The following CFTR variants were observed in gnomAD, a reference collection of about 807,000 sequenced individuals.
CFTR encodes the protein cystic fibrosis transmembrane conductance regulator.
CFTR carries 181 observed loss-of-function variants against 171.6 expected under a neutral mutation model. The observed-to-expected ratio is 1.05, with a 90% CI of 0.93 to 1.19. CFTR has a LOEUF of 1.19. Among genes scored for constraint, CFTR ranks in the 50% most tolerant of loss-of-function variants. CFTR has a pLI of 0.00. For synonymous variants in CFTR, 583 were observed against 608.0 expected (o/e 0.96, Z 0.60); for missense variants, 1,968 against 1,734.7 (o/e 1.13, Z -2.39).
chr7:117,544,722 G>A (rs1050609622), intron 9 of CFTR, among the ~76,000 whole-genome samples: 3 of 152,024 alleles, frequency 2.0e-5, no homozygotes, highest in South Asian at 4.1e-4. Flanking sequence ...CCTGACTTTC[G>A]CTCACGCAAC....
chr7:117,595,156 T>A, intron 15 of CFTR, 98 bp downstream of exon 15: 1 of 873,884 alleles, frequency 1.1e-6, no homozygotes, highest in Non-Finnish European at 1.9e-6. Flanking sequence ...AATATGTATA[T>A]ATACACATGT....
chr7:117,559,230 C>T (rs1247285694), intron 10 of CFTR, among the ~76,000 whole-genome samples: 1 of 152,172 alleles, frequency 6.6e-6, no homozygotes, highest in African/African-American at 2.4e-5. Context: ...CTCTGTGAAC[C>T]TCTATCATAA....
rs150682423 is a variant in CFTR, at chr7:117,647,580, A to T, written c.3873+4987A>T. Among the ~76,000 whole-genome samples, 287 of 152,016 alleles carry T rather than the reference A, an allele frequency of 1.9e-3. 1 individual carries two copies. The highest frequency in any genetic ancestry group is 6.8e-3 in the African/African-American group (283 of 41,484). The stretch of plus-strand genomic sequence containing the variant: ...CATGAGAAATCCACCCCCATGATCC[A>T]GTTACCTCCCACCAGGCCCCGCCTC... On this transcript the variant is annotated intron_variant, in intron 23 of 26. Coordinates refer to ENST00000003084, the MANE Select transcript of CFTR (RefSeq NM_000492.4).
intron 11 of CFTR, among the ~76,000 whole-genome samples, chr7:117,579,426 C>T (rs906825492): frequency 5.3e-5 from 8 of 151,594 alleles, no homozygotes; most frequent in Non-Finnish European, 1.2e-4. Context: ...GACAAATTGC[C>T]TTAGTTAGAA....
chr7:117,531,067 A>C lies in CFTR; in HGVS notation c.442A>C (p.Ile148Leu). ...LHPAIFGLHHIGMQMRIAMFS... is the reference protein window; with the variant it reads ...LHPAIFGLHHLGMQMRIAMFS... Reference sequence around the variant, plus strand: ...CCCAGCCATTTTTGGCCTTCATCACATTGGAATGCAGATGAGAATAGCTAT... The same window carrying C: ...CCCAGCCATTTTTGGCCTTCATCACCTTGGAATGCAGATGAGAATAGCTAT... The change falls in exon 4 of 27, where the codon ATT becomes CTT. Residue 148 changes from isoleucine to leucine, a missense_variant. Ile to Leu is a conservative substitution (Grantham distance 5). Coordinates refer to ENST00000003084, the MANE Select transcript of CFTR (RefSeq NM_000492.4). The C allele has an allele frequency of 6.2e-7, 1 of 1,613,706 alleles. No individual in the cohort carries two copies. Among genetic ancestry groups the C allele is most frequent in the Non-Finnish European group, 8.5e-7 (1 of 1,179,818 alleles).
chr7:117,560,061 T>A (rs1799436332), intron 11 of CFTR, among the ~76,000 whole-genome samples: 2 of 152,080 alleles, frequency 1.3e-5, no homozygotes, highest in African/African-American at 4.8e-5. Flanking sequence ...ATTATTTTAA[T>A]AATTTTAATA....
chr7:117,575,689 C>T (rs1297005832), intron 11 of CFTR, among the ~76,000 whole-genome samples: 5 of 152,108 alleles, frequency 3.3e-5, no homozygotes, highest in Admixed American at 3.3e-4. Context: ...ATCTTCCATC[C>T]AGCCTTCTAC....
intron 21 of CFTR, among the ~76,000 whole-genome samples, chr7:117,618,527 G>A (rs772011758): frequency 6.6e-6 from 1 of 151,766 alleles, no homozygotes; most frequent in Non-Finnish European, 1.5e-5. Context: ...ACCATCTCTT[G>A]ATGAATCATA....
chr7:117,575,817 C>A (rs1791761598), intron 11 of CFTR, among the ~76,000 whole-genome samples: 1 of 152,100 alleles, frequency 6.6e-6, no homozygotes, highest in Admixed American at 6.6e-5. Flanking sequence ...ACATTTAATA[C>A]CATTTTGCTA....
intron 22 of CFTR, among the ~76,000 whole-genome samples, chr7:117,630,176 T>A (rs1226658192): frequency 6.6e-6 from 1 of 152,238 alleles, no homozygotes; most frequent in Non-Finnish European, 1.5e-5. Context: ...AATTTTGTTT[T>A]TATAATTCTA....
At chr7:117,495,353 A>G (rs1397356974) in intron 1 of CFTR, among the ~76,000 whole-genome samples, 2 of 152,112 alleles carry the variant, frequency 1.3e-5, no homozygotes, top group African/African-American at 4.8e-5. Flanking sequence ...ACTATAAATC[A>G]CAATGCTTTG....
chr7:117,586,466 A>G (rs2116013518), intron 11 of CFTR: 1 of 152,320 alleles, frequency 6.6e-6, no homozygotes, highest in Middle Eastern at 3.4e-3. Context: ...TGAGGGCAGC[A>G]GCTAGCATGA....
Position 117,540,172 on chromosome 7 carries a change from G to T in CFTR, c.942G>T (p.Gly314=), listed in dbSNP as rs1244183935. 10 of 1,613,870 alleles carry T rather than the reference G, an allele frequency of 6.2e-6. No individual in the cohort carries two copies. In the South Asian group the frequency reaches 6.6e-5, roughly 11 times the overall value. ...YFNSSAFFFS[G]FFVVFLSVLP... is the part of the protein sequence containing the mutation. ...ATAGCTCAGCCTTCTTCTTCTCAGGGTTCTTTGTGGTGTTTTTATCTGTGC... is the reference window on the plus strand; with the variant it reads ...ATAGCTCAGCCTTCTTCTTCTCAGGTTTCTTTGTGGTGTTTTTATCTGTGC... The change falls in exon 8 of 27, where the codon GGG becomes GGT. Residue 314 remains glycine, a synonymous_variant. Coordinates refer to ENST00000003084, the MANE Select transcript of CFTR (RefSeq NM_000492.4).
At chr7:117,640,693 T>C (rs1792898616) in intron 22 of CFTR, among the ~76,000 whole-genome samples, 3 of 152,218 alleles carry the variant, frequency 2.0e-5, no homozygotes, top group Admixed American at 2.0e-4. Context: ...ATGATGAATG[T>C]GTTTGTGCAA....
At position 117,592,440 on chromosome 7, in the gene CFTR, GCCCCACGCTTCAGGCA is replaced by G. The variant is rs1365256301; in HGVS notation, c.2275_2290del (p.Pro759GlufsTer7). On this transcript the variant is annotated frameshift_variant, in exon 14 of 27. Transcript: ENST00000003084. LOFTEE classifies it high-confidence loss of function. ...CCTCGCATCAGCGTGATCAGCACTG[GCCCCACGCTTCAGGCA>G]CGAAGGAGGCAGTCTGTCCTGAACC... 6.2e-7 allele frequency: 1 copy of G among 1,600,954 alleles called. No individual in the cohort carries two copies. Among genetic ancestry groups the G allele is most frequent in the Non-Finnish European group, 8.5e-7 (1 of 1,173,618 alleles).
intron 12 of CFTR, among the ~76,000 whole-genome samples, chr7:117,589,056 TAA>T (rs1791989485): frequency 6.6e-6 from 1 of 152,090 alleles, no homozygotes; most frequent in African/African-American, 2.4e-5. Context: ...GTTATCAGTT[TAA>T]GATTTGGTTT....
intron 19 of CFTR, 120 bp downstream of exon 19, chr7:117,610,789 T>C (rs1321236493): frequency 9.4e-7 from 1 of 1,058,260 alleles, no homozygotes; most frequent in Non-Finnish European, 1.4e-6. Flanking sequence ...CATATAACAA[T>C]AATTTTTTTC....
At chr7:117,531,684 C>T (rs1798868743) in intron 4 of CFTR, among the ~76,000 whole-genome samples, 1 of 152,050 alleles carries the variant, frequency 6.6e-6, no homozygotes, top group Non-Finnish European at 1.5e-5. Flanking sequence ...ATGTATTGTC[C>T]AGACAAGAGA....
chr7:117,504,756 TAA>T (rs372341779), intron 2 of CFTR, among the ~76,000 whole-genome samples: 38 of 121,070 alleles, frequency 3.1e-4, no homozygotes, highest in Admixed American at 5.2e-4. Flanking sequence ...CCTCTCTCTC[TAA>T]AAAAAAAAAA....
Sources: allele counts gnomAD v4.1 joint callset (sites outside exome capture counted in the v4.1 genomes callset), GRCh38; gene constraint gnomAD v4.1.1; transcripts MANE v1.5; gene names NCBI Gene and HGNC (gene_info 2026-07-23, HGNC 2026-07-21).